FHIT: variants seen among roughly 807,000 people sequenced by gnomAD.
The protein encoded by FHIT is bis(5'-adenosyl)-triphosphatase.
A neutral mutation model predicts 17.9 loss-of-function variants in FHIT; 19 were observed. The observed-to-expected ratio is 1.06, with a 90% CI of 0.74 to 1.56. The LOEUF (loss-of-function observed/expected upper bound fraction) is 1.56. FHIT is among the 40% of genes most tolerant of loss of function. The pLI, the probability that FHIT is intolerant of heterozygous loss-of-function variation, is 0.00. For synonymous variants in FHIT, 81 were observed against 69.7 expected, an observed-to-expected ratio of 1.16 and a Z score of -0.81; for missense variants, 248 against 189.2, an observed-to-expected ratio of 1.31 and a Z score of -1.82.
At chr3:59,978,892 G>C (rs971149343) in intron 7 of FHIT, among the ~76,000 whole-genome samples, 6 of 151,790 alleles carry the variant, frequency 4.0e-5, no homozygotes, top group Non-Finnish European at 5.9e-5. Context: ...CTGCTTCCCA[G>C]ACTCTGTTCT....
intron 5 of FHIT, among the ~76,000 whole-genome samples, chr3:60,381,026 T>C (rs1421493183): frequency 2.0e-5 from 3 of 152,148 alleles, no homozygotes; most frequent in Non-Finnish European, 4.4e-5. Flanking sequence ...CCTTTGAAAC[T>C]CCATGATTTT....
intron 5 of FHIT, among the ~76,000 whole-genome samples, chr3:60,074,566 T>A (rs1439449521): frequency 6.6e-6 from 1 of 152,006 alleles, no homozygotes; most frequent in Non-Finnish European, 1.5e-5. Context: ...CAAAGGTATT[T>A]AATACAACAC....
At chr3:59,964,114 A>G (rs1707813732) in intron 7 of FHIT, among the ~76,000 whole-genome samples, 1 of 152,204 alleles carries the variant, frequency 6.6e-6, no homozygotes, top group African/African-American at 2.4e-5. Flanking sequence ...AAGCTGACCC[A>G]TAACAATTTG....
At chr3:60,940,132 C>T (rs1269473653) in intron 3 of FHIT, among the ~76,000 whole-genome samples, 1 of 152,068 alleles carries the variant, frequency 6.6e-6, no homozygotes, top group African/African-American at 2.4e-5. Flanking sequence ...AGAATTTCTA[C>T]GGGATAAAGA....
intron 5 of FHIT, among the ~76,000 whole-genome samples, chr3:60,456,630 A>G (rs2032112395): frequency 6.6e-6 from 1 of 152,194 alleles, no homozygotes; most frequent in African/African-American, 2.4e-5. Context: ...CTCTGATTAG[A>G]CTAGATCAAA....
intron 5 of FHIT, among the ~76,000 whole-genome samples, chr3:60,486,531 T>C (rs921961850): frequency 6.6e-6 from 1 of 152,150 alleles, no homozygotes; most frequent in African/African-American, 2.4e-5. Flanking sequence ...CCTGACAGGT[T>C]AGGCAAAGAA....
intron 2 of FHIT, among the ~76,000 whole-genome samples, chr3:61,131,213 A>G (rs924792752): frequency 1.3e-5 from 2 of 152,214 alleles, no homozygotes; most frequent in Admixed American, 6.5e-5. Flanking sequence ...CAGCATCTAC[A>G]CAGTGCTTTG....
At chr3:59,797,273 G>A (rs928852467) in intron 8 of FHIT, among the ~76,000 whole-genome samples, 15 of 150,844 alleles carry the variant, frequency 9.9e-5, no homozygotes, top group Non-Finnish European at 1.8e-4. Context: ...TGTAACCTCC[G>A]CCTCCTGGGT....
intron 4 of FHIT, among the ~76,000 whole-genome samples, chr3:60,540,637 A>G (rs2036156665): frequency 6.6e-6 from 1 of 152,250 alleles, no homozygotes; most frequent in African/African-American, 2.4e-5. Flanking sequence ...GTGTGAAAGC[A>G]GAAGAAAAAC....
intron 7 of FHIT, among the ~76,000 whole-genome samples, chr3:59,948,824 T>G (rs965193789): frequency 3.3e-5 from 5 of 152,128 alleles, no homozygotes; most frequent in African/African-American, 1.2e-4. Context: ...GTTCATTTTT[T>G]CTATCATAAA....
chr3:60,613,568 C>A (rs1163375691), intron 4 of FHIT, among the ~76,000 whole-genome samples: 1 of 152,158 alleles, frequency 6.6e-6, no homozygotes, highest in Non-Finnish European at 1.5e-5. Flanking sequence ...TTTCTCCTCC[C>A]TCCAGCCCTT....
intron 5 of FHIT, among the ~76,000 whole-genome samples, chr3:60,301,124 C>T (rs967783937): frequency 6.6e-6 from 1 of 152,064 alleles, no homozygotes; most frequent in Non-Finnish European, 1.5e-5. Context: ...ACGGTTTTCT[C>T]TTATTTATCC....
intron 5 of FHIT, among the ~76,000 whole-genome samples, chr3:60,529,392 C>T (rs1365028232): frequency 6.6e-6 from 1 of 152,094 alleles, no homozygotes; most frequent in African/African-American, 2.4e-5. Context: ...TAGATTTTAA[C>T]AGTTTTGATA....
intron 3 of FHIT, among the ~76,000 whole-genome samples, chr3:61,013,882 A>G (rs1272629818): frequency 6.6e-6 from 1 of 152,190 alleles, no homozygotes; most frequent in Non-Finnish European, 1.5e-5. Context: ...ACCCTAATAA[A>G]ACAAAGGGAA....
intron 7 of FHIT, among the ~76,000 whole-genome samples, chr3:59,946,629 C>T (rs897192971): frequency 2.6e-5 from 4 of 152,246 alleles, no homozygotes; most frequent in Non-Finnish European, 4.4e-5. Flanking sequence ...AGCTTTTGTT[C>T]ATTTGGTATG....
At chr3:59,996,169 A>C (rs1466511355) in intron 7 of FHIT, among the ~76,000 whole-genome samples, 1 of 152,118 alleles carries the variant, frequency 6.6e-6, no homozygotes, top group Non-Finnish European at 1.5e-5. Context: ...TTTAATACTC[A>C]CAAAATCCTA....
intron 2 of FHIT, among the ~76,000 whole-genome samples, chr3:61,051,802 T>G (rs761733992): frequency 2.6e-5 from 4 of 152,208 alleles, no homozygotes; most frequent in Non-Finnish European, 5.9e-5. Context: ...CAAGAAGTTG[T>G]GTGTGACTAT....
At chr3:60,681,997 A>G (rs1200462295) in intron 4 of FHIT, among the ~76,000 whole-genome samples, 3 of 149,602 alleles carry the variant, frequency 2.0e-5, no homozygotes, top group African/African-American at 7.4e-5. Flanking sequence ...TTTGAAACAT[A>G]GTCTCACTCT....
chr3:60,017,864 T>G (rs9637471), intron 5 of FHIT, among the ~76,000 whole-genome samples: 10,696 of 152,216 alleles, frequency 0.07, 650 homozygotes, highest in East Asian at 0.31. Context: ...CTGGTGTGGT[T>G]TGCTATTTGC....
Sources: allele counts gnomAD v4.1 joint callset (sites outside exome capture counted in the v4.1 genomes callset), GRCh38; gene constraint gnomAD v4.1.1; transcripts MANE v1.5; gene names NCBI Gene and HGNC (gene_info 2026-07-23, HGNC 2026-07-21).